Variants in AP2A1 observed in about 807,000 individuals in gnomAD.
AP2A1 encodes adaptor related protein complex 2 subunit alpha 1, also known as AP-2 complex subunit alpha-1.
AP2A1 carries 21 observed loss-of-function variants against 107.3 expected under a neutral mutation model. The ratio of observed to expected loss-of-function variants is 0.20; its 90% CI spans 0.14 to 0.28. The LOEUF is 0.28. Among genes scored for constraint, AP2A1 ranks in the 10% least tolerant of loss-of-function variants. The pLI, the probability that AP2A1 is intolerant of heterozygous loss-of-function variation, is 1.00. For missense variants in AP2A1, 873 were observed against 1,307.7 expected (o/e 0.67, Z 5.13); for synonymous variants, 602 against 564.8 (o/e 1.07, Z -0.93).
intron 18 of AP2A1, chr19:49,805,179 G>T (rs866214133): frequency 1.2e-4 from 49 of 406,312 alleles, no homozygotes; most frequent in Admixed American, 1.0e-3. Flanking sequence ...GTTAAGAGCT[G>T]GGATTCAAAC....
At chr19:49,805,611 C>T (rs34787225) in intron 19 of AP2A1, 35 bp downstream of exon 19, 2 of 1,557,968 alleles carry the variant, frequency 1.3e-6, no homozygotes, top group East Asian at 2.4e-5. Context: ...TGGGCGGAGC[C>T]TCCGGGGTGA....
chr19:49,772,443 G>A (rs546754358), intron 1 of AP2A1, among the ~76,000 whole-genome samples: 1 of 151,066 alleles, frequency 6.6e-6, no homozygotes, highest in African/African-American at 2.4e-5. Flanking sequence ...CTCCCGAAGT[G>A]CTGGGATTAC....
intron 1 of AP2A1, 129 bp downstream of exon 1, chr19:49,767,329 G>A: frequency 3.4e-6 from 4 of 1,168,518 alleles, no homozygotes; most frequent in Non-Finnish European, 4.8e-6. Flanking sequence ...GCATAGATGG[G>A]CCCCAGGAAG....
intron 1 of AP2A1, among the ~76,000 whole-genome samples, chr19:49,780,324 C>T (rs959696851): frequency 3.3e-5 from 5 of 152,172 alleles, no homozygotes; most frequent in African/African-American, 4.8e-5. Flanking sequence ...GGAAGTGAAA[C>T]GGAACGGCCT....
intron 6 of AP2A1, among the ~76,000 whole-genome samples, chr19:49,793,747 A>C (rs76431899): frequency 0.13 from 19,994 of 151,884 alleles, 1,502 homozygotes; most frequent in East Asian, 0.23. Flanking sequence ...GGCACTTAAC[A>C]CAGCCTGTGA....
rs749771574 is a variant in AP2A1, at chr19:49,802,485, G to A, written c.2114+344G>A. On this transcript the variant is annotated intron_variant, in intron 15 of 22. Coordinates refer to ENST00000354293, the MANE Select transcript of AP2A1 (RefSeq NM_130787.3). ...TCTCGCTGCCTATGTGGAATTGGCT[G>A]CCTGCCACGCCTGTCTTCTCTTGTC... 8.8e-6 allele frequency: 14 copies of A among 1,584,128 alleles called. No individual in the cohort carries two copies. In the Admixed American group the frequency reaches 1.6e-4, roughly 18 times the overall value.
At chr19:49,776,816 A>G (rs1023786578) in intron 1 of AP2A1, among the ~76,000 whole-genome samples, 1 of 152,202 alleles carries the variant, frequency 6.6e-6, no homozygotes, top group South Asian at 2.1e-4. Context: ...TTGGGGCCAC[A>G]ACTGCTCCTG....
Position 49,793,393 on chromosome 19 carries a change from G to A in AP2A1, c.705+301G>A, listed in dbSNP as rs374962385. Among the ~76,000 whole-genome samples, 31 of 152,254 alleles carry A rather than the reference G, an allele frequency of 2.0e-4. No homozygotes were observed. In the East Asian group the frequency reaches 3.7e-3, roughly 18 times the overall value. ...CAGGGCCTCGCGGGCCGAGCACCCC[G>A]GGAGCCAGCCGCCCTCATGACCTCC... On this transcript the variant is annotated intron_variant, in intron 6 of 22. Transcript: ENST00000354293.
At chr19:49,802,630 C>A in intron 15 of AP2A1, 1 of 659,818 alleles carries the variant, frequency 1.5e-6, no homozygotes. Context: ...GGAGGTCGGT[C>A]GGGGGGGCGG....
At chr19:49,787,117 C>A (rs906707159) in intron 4 of AP2A1, among the ~76,000 whole-genome samples, 5 of 150,914 alleles carry the variant, frequency 3.3e-5, no homozygotes, top group African/African-American at 9.8e-5. Flanking sequence ...AGCGATCTTC[C>A]CACCTCAGCC....
At chr19:49,790,845 G>A (rs2073132756) in intron 4 of AP2A1, among the ~76,000 whole-genome samples, 1 of 152,258 alleles carries the variant, frequency 6.6e-6, no homozygotes, top group African/African-American at 2.4e-5. Context: ...ATAAACGTGT[G>A]AATCCACCCA....
Position 49,800,984 on chromosome 19 carries a change from C to T in AP2A1, c.1479C>T (p.His493=), listed in dbSNP as rs373902481. 8.3e-5 allele frequency: 133 copies of T among 1,604,914 alleles called. No homozygotes were observed. The highest frequency in any genetic ancestry group is 1.0e-4 in the Non-Finnish European group (121 of 1,176,008). Residue 493 remains histidine (H), a synonymous_variant, in exon 12 of 23, where the codon CAC becomes CAT. Transcript: ENST00000354293. ...VFEALQAPAC[H]ENMVKVGGYI... is the part of the protein sequence containing the mutation. ...AGGCGCTCCAGGCCCCTGCCTGTCA[C>T]GAGAACATGGTGAAGGTTGGCGGCT...
intron 6 of AP2A1, among the ~76,000 whole-genome samples, chr19:49,795,162 T>C (rs549885724): frequency 8.9e-4 from 135 of 152,208 alleles, no homozygotes; most frequent in African/African-American, 3.1e-3. Flanking sequence ...GCCTGGGGCA[T>C]GGGAGGCTCA....
At chr19:49,771,699 G>A (rs1430215954) in intron 1 of AP2A1, among the ~76,000 whole-genome samples, 2 of 152,164 alleles carry the variant, frequency 1.3e-5, no homozygotes, top group East Asian at 1.9e-4. Context: ...GTGAGCCACC[G>A]CGCCTGGCCG....
intron 3 of AP2A1, 140 bp from the exon 4 acceptor site, chr19:49,782,391 G>T (rs1166237763): frequency 8.5e-6 from 8 of 942,610 alleles, no homozygotes; most frequent in Non-Finnish European, 1.2e-5. Context: ...GGACTTGTGG[G>T]TCTGAGGGAG....
chr19:49,793,092 G>A lies in AP2A1; in HGVS notation c.705G>A (p.Arg235=), dbSNP rs911292473. ...CTCTGGCTGTGTCGCGCCTGAGCCG[G>A]GTGGGTGTGGCCTAGATATTGGCTG... ...CVSLAVSRLS[R]IVSSASTDLQ... The change falls in exon 6 of 23, where the codon CGG becomes CGA. Residue 235 remains arginine (R), a splice_region_variant and synonymous_variant. Coordinates refer to ENST00000354293, the MANE Select transcript of AP2A1 (RefSeq NM_130787.3). The A allele has an allele frequency of 7.5e-6, 12 of 1,598,990 alleles. No individual in the cohort carries two copies. Among genetic ancestry groups the A allele is most frequent in the Non-Finnish European group, 1.0e-5 (12 of 1,173,138 alleles).
intron 1 of AP2A1, among the ~76,000 whole-genome samples, chr19:49,772,569 C>T (rs2084574718): frequency 6.6e-6 from 1 of 151,432 alleles, no homozygotes; most frequent in East Asian, 2.0e-4. Context: ...GATCTCGGCT[C>T]ACTGCAAGTT....
In AP2A1 at chr19:49,805,574, C is replaced by T. The variant is rs868618513; in HGVS notation, c.2466C>T (p.Phe822=). 3 of 1,575,578 alleles carry T rather than the reference C, an allele frequency of 1.9e-6. No individual in the cohort carries two copies. In the East Asian group the frequency reaches 7.0e-5, roughly 37 times the overall value. The change falls in exon 19 of 23, where the codon TTC becomes TTT. Residue 822 remains phenylalanine, a splice_region_variant and synonymous_variant. Transcript: ENST00000354293. ...CGCCCCCGCTGCTGTCCGTGCGCTT[C>T]CGGTGAGTCAGGTACGGCGCGGCCG... The part of the protein sequence containing the change: ...FLTPPLLSVR[F]RYGGAPQALT...
chr19:49,803,220 GGAGGGAGACCTTGGGGAAGGGGTCA>G (rs759822960), intron 17 of AP2A1, 31 bp downstream of exon 17: 2 of 1,613,652 alleles, frequency 1.2e-6, no homozygotes, highest in South Asian at 2.2e-5. Context: ...GGAATGGGTC[GGAGGGAGACCTTGGGGAAGGGGTCA>G]GAGGGACTCA....
Sources: allele counts gnomAD v4.1 joint callset (sites outside exome capture counted in the v4.1 genomes callset), GRCh38; gene constraint gnomAD v4.1.1; transcripts MANE v1.5; gene names NCBI Gene and HGNC (gene_info 2026-07-23, HGNC 2026-07-21).